The following PRAG1 variants were observed in gnomAD, a reference collection of about 807,000 sequenced individuals.
PRAG1 encodes PEAK1 related, kinase-activating pseudokinase 1, also known as inactive tyrosine-protein kinase PRAG1.
Under a neutral mutation model 95.6 loss-of-function variants are expected in PRAG1, and 110 were observed. The observed-to-expected ratio is 1.15, with a 90% confidence interval of 0.99 to 1.35. The LOEUF is 1.35. Among genes scored for constraint, PRAG1 ranks in the 40% most tolerant of loss-of-function variants. The pLI is 0.00. For missense variants in PRAG1, 2,554 were observed against 1,864.7 expected (o/e 1.37, Z -6.81); for synonymous variants, 1,052 against 819.4 (o/e 1.28, Z -4.85).
At chr8:8,383,223 G>C (rs939629684) in intron 1 of PRAG1, among the ~76,000 whole-genome samples, 1 of 152,104 alleles carries the variant, frequency 6.6e-6, no homozygotes, top group Admixed American at 6.5e-5. Context: ...ATAGACAGGG[G>C]TGTTCATTCA....
At chr8:8,329,484 G>T (rs1585223926) in intron 4 of PRAG1, among the ~76,000 whole-genome samples, 1 of 152,006 alleles carries the variant, frequency 6.6e-6, no homozygotes, top group African/African-American at 2.4e-5. Flanking sequence ...TCACCCTAAG[G>T]GAAGAGCATG....
chr8:8,326,401 C>T lies in PRAG1; in HGVS notation c.3072+1309G>A, dbSNP rs760558201. ...GCACTTTTCTAACTGGAAAAAAAAG[C>T]GATGTCTTAGGGCAGGTGATGAGAG... On this transcript the variant is annotated intron_variant, in intron 5 of 5. Transcript: ENST00000615670. Among the ~76,000 whole-genome samples the T allele has an allele frequency of 3.3e-4, 50 of 152,098 alleles. 1 individual carries two copies. The highest frequency in any genetic ancestry group is 5.1e-4 in the Non-Finnish European group (35 of 67,992).
chr8:8,351,290 T>C (rs962448280), intron 3 of PRAG1, among the ~76,000 whole-genome samples: 1 of 152,100 alleles, frequency 6.6e-6, no homozygotes, highest in African/African-American at 2.4e-5. Context: ...ATGAGAACCC[T>C]ATCATGAGAA....
At chr8:8,320,352 C>A (rs1798434565) in intron 5 of PRAG1, among the ~76,000 whole-genome samples, 1 of 152,090 alleles carries the variant, frequency 6.6e-6, no homozygotes, top group African/African-American at 2.4e-5. Flanking sequence ...TCAGGCTTCT[C>A]TGTGGGAAGC....
intron 1 of PRAG1, among the ~76,000 whole-genome samples, chr8:8,384,391 T>G (rs145998890): frequency 6.6e-6 from 1 of 152,174 alleles, no homozygotes; most frequent in African/African-American, 2.4e-5. Context: ...GAGCACTCTT[T>G]GCTCCCATTC....
In PRAG1 at chr8:8,381,617, G is replaced by A. The variant is rs1800673977; in HGVS notation, c.131C>T (p.Ala44Val). 2.5e-6 allele frequency: 4 copies of A among 1,613,748 alleles called. No homozygotes were observed. The highest frequency in any genetic ancestry group is 3.4e-6 in the Non-Finnish European group (4 of 1,179,844). ...FCLRSDHQLV[A>V]GPPQPRAGSL... ...GCCCGCTCTGGGCTGGGGAGGGCCG[G>A]CCACCAGCTGGTGGTCGCTCCGCAG... The change falls in exon 2 of 6, where the codon GCC becomes GTC. Residue 44 changes from alanine (A) to valine (V), a missense_variant. Ala to Val is a moderately conservative substitution (Grantham distance 64). Transcript: ENST00000615670.
intron 3 of PRAG1, among the ~76,000 whole-genome samples, chr8:8,340,985 A>G (rs1308834789): frequency 6.6e-6 from 1 of 152,224 alleles, no homozygotes; most frequent in Non-Finnish European, 1.5e-5. Context: ...TGGCAAAATA[A>G]AATCAGACAG....
chr8:8,375,626 G>C (rs749633606), intron 3 of PRAG1, among the ~76,000 whole-genome samples: 1 of 151,974 alleles, frequency 6.6e-6, no homozygotes, highest in Non-Finnish European at 1.5e-5. Context: ...GCATTTATTT[G>C]GCATTAACTG....
At position 8,377,617 on chromosome 8, in the gene PRAG1, A is replaced by T; in HGVS notation, c.792T>A (p.Pro264=). ...CSILDCCPGS[P]VAKAASQTAG... is the part of the protein sequence containing the mutation. ...CAGTCTGGGAGGCAGCCTTGGCAAC[A>T]GGGCTCCCAGGGCAGCAGTCCAGGA... The change falls in exon 3 of 6, where the codon CCT becomes CCA. Residue 264 remains proline, a synonymous_variant. Coordinates refer to ENST00000615670, the MANE Select transcript of PRAG1 (RefSeq NM_001080826.3). 2 of 1,613,220 alleles carry T rather than the reference A, an allele frequency of 1.2e-6. No individual in the cohort carries two copies. Among genetic ancestry groups the T allele is most frequent in the Non-Finnish European group, 1.7e-6 (2 of 1,179,914 alleles).
At chr8:8,363,141 A>C (rs1201966087) in intron 3 of PRAG1, among the ~76,000 whole-genome samples, 2 of 150,204 alleles carry the variant, frequency 1.3e-5, no homozygotes, top group African/African-American at 4.9e-5. Flanking sequence ...TTTACACTTA[A>C]TGACTATATA....
At chr8:8,385,721 A>G (rs1439135794) in intron 1 of PRAG1, among the ~76,000 whole-genome samples, 2 of 152,118 alleles carry the variant, frequency 1.3e-5, no homozygotes, top group Non-Finnish European at 2.9e-5. Flanking sequence ...CTCCATGCCC[A>G]GCAGAGGATT....
chr8:8,320,733 G>C (rs1003855117), intron 5 of PRAG1, among the ~76,000 whole-genome samples: 1 of 152,212 alleles, frequency 6.6e-6, no homozygotes, highest in African/African-American at 2.4e-5. Context: ...TCAGGCTGCA[G>C]TGTTGGAATG....
At chr8:8,379,530 AG>A (rs1161573027) in intron 2 of PRAG1, among the ~76,000 whole-genome samples, 1 of 152,178 alleles carries the variant, frequency 6.6e-6, no homozygotes, top group Non-Finnish European at 1.5e-5. Flanking sequence ...GCAGCCCGGA[AG>A]GGGACATCAA....
At position 8,376,894 on chromosome 8, in the gene PRAG1, A is replaced by G; in HGVS notation, c.1515T>C (p.Pro505=). The G allele has an allele frequency of 6.2e-7, 1 of 1,613,250 alleles. No homozygotes were observed. Among genetic ancestry groups the G allele is most frequent in the Non-Finnish European group, 8.5e-7 (1 of 1,180,016 alleles). ...CACCTACCTCGGAGTTCTGGCTCAC[A>G]GGCCCTCGTGGCCACTGCACCCCCA... ...SAVGVQWPRG[P]VSQNSEVGEE... The change falls in exon 3 of 6, where the codon CCT becomes CCC. Residue 505 remains proline, a synonymous_variant. Transcript: ENST00000615670.
At position 8,319,243 on chromosome 8, in the gene PRAG1, G is replaced by C. The variant is rs1473281613; in HGVS notation, c.3132C>G (p.His1044Gln). 18 of 1,557,472 alleles carry C rather than the reference G, an allele frequency of 1.2e-5. No individual in the cohort carries two copies. The highest frequency in any genetic ancestry group is 2.3e-5 in the East Asian group (1 of 43,394). Residue 1044 changes from histidine to glutamine, a missense_variant, in exon 6 of 6, where the codon CAC becomes CAG. His to Gln is a conservative substitution (Grantham distance 24, BLOSUM62 0). Transcript: ENST00000615670. The part of the protein sequence containing the change: ...VSYCSPSVPV[H>Q]FNIQQDCGHF... ...GGCCGCAGTCCTGCTGGATGTTAAA[G>C]TGCACGGGCACGGACGGGCTGCAGT...
intron 4 of PRAG1, among the ~76,000 whole-genome samples, chr8:8,336,628 C>A (rs145707637): frequency 5.2e-4 from 79 of 152,268 alleles, no homozygotes; most frequent in African/African-American, 1.8e-3. Context: ...TTAGAATAAG[C>A]ACCTGTTTTA....
Position 8,328,428 on chromosome 8 carries a change from T to G in PRAG1, c.2354A>C (p.Asn785Thr). 3 of 1,613,652 alleles carry G rather than the reference T, an allele frequency of 1.9e-6. No homozygotes were observed. The highest frequency in any genetic ancestry group is 1.1e-5 in the South Asian group (1 of 91,076). ...PSSELAHSPT[N>T]SGKKLFAPVP... ...GGGAGCAAAGAGCTTCTTCCCGCTG[T>G]TGGTGGGCGAGTGAGCCAGCTCAGA... Residue 785 changes from asparagine to threonine, a missense_variant, in exon 5 of 6, where the codon AAC (asparagine) becomes ACC (threonine). Asn to Thr is a moderately conservative substitution (Grantham distance 65). Coordinates refer to ENST00000615670, the MANE Select transcript of PRAG1 (RefSeq NM_001080826.3).
At position 8,318,247 on chromosome 8, in the gene PRAG1, G is replaced by T. The variant is rs751497058; in HGVS notation, c.4128C>A (p.Gly1376=). The change falls in exon 6 of 6, where the codon GGC becomes GGA. Residue 1376 remains glycine, a synonymous_variant. Coordinates refer to ENST00000615670, the MANE Select transcript of PRAG1 (RefSeq NM_001080826.3). The surrounding 1 kb of genome is among the most constrained non-coding windows in gnomAD (Gnocchi z 4.2). ...AGCAAAGCCAGTCCTCCAGCTCCACGCCCCGCCTGCGATCCACCGCCTTCT... is the reference window on the plus strand; with the variant it reads ...AGCAAAGCCAGTCCTCCAGCTCCACTCCCCGCCTGCGATCCACCGCCTTCT... ...FAEKAVDRRR[G]VELEDWLCCQ... is the part of the protein sequence containing the mutation. 5 of 1,614,152 alleles carry T rather than the reference G, an allele frequency of 3.1e-6. No homozygotes were observed. The highest frequency in any genetic ancestry group is 4.2e-6 in the Non-Finnish European group (5 of 1,180,008).
Position 8,319,303 on chromosome 8 carries a change from CT to C in PRAG1, c.3073-2del. ...TTTTGGGCTCAGGGGCTTTGCAGATCTGTGGAGAGAAGAAGAAGTGAAATCA... is the reference window on the plus strand; with the variant it reads ...TTTTGGGCTCAGGGGCTTTGCAGATCGTGGAGAGAAGAAGAAGTGAAATCA... On this transcript the variant is annotated splice_acceptor_variant, in intron 5 of 5. Transcript: ENST00000615670. LOFTEE classifies it high-confidence loss of function. 6.7e-7 allele frequency: 1 copy of C among 1,502,778 alleles called. No homozygotes were observed. The highest frequency in any genetic ancestry group is 8.9e-7 in the Non-Finnish European group (1 of 1,124,030). The allele number at this position is 1,502,778 out of a possible 1,614,324, so 93.1% of individuals were successfully genotyped here. A position where few individuals can be genotyped will look rare whatever the true frequency, so the allele number is the denominator to read the frequency against.
Sources: gnomAD v4.1 joint callset for allele counts (sites outside exome capture counted in the v4.1 genomes callset) on GRCh38, gnomAD v4.1.1 for gene constraint, Gnocchi (gnomAD v3.1) non-coding constraint, MANE v1.5 for transcripts, NCBI Gene and HGNC (gene_info 2026-07-23, HGNC 2026-07-21) for gene names.